Variants in SEMA6A observed in about 807,000 individuals in gnomAD.
SEMA6A encodes the protein semaphorin 6A.
SEMA6A carries 25 observed loss-of-function variants against 96.8 expected under a neutral mutation model. The ratio of observed to expected loss-of-function variants is 0.26; its 90% CI spans 0.19 to 0.36. SEMA6A has a LOEUF of 0.36. Ranked by LOEUF, SEMA6A falls within the 10% of genes least tolerant of loss-of-function variation. The probability of loss-of-function intolerance (pLI) is 1.00; values close to 1 mark genes in which losing one functional copy is unlikely to be tolerated. For missense variants in SEMA6A, 1,363 were observed against 1,323.1 expected (o/e 1.03, Z -0.47); for synonymous variants, 612 against 518.0 (o/e 1.18, Z -2.46).
chr5:116,572,442 T>C (rs1334767654), intron 1 of SEMA6A, among the ~76,000 whole-genome samples: 1 of 152,198 alleles, frequency 6.6e-6, no homozygotes, highest in African/African-American at 2.4e-5. Flanking sequence ...TGGAAGTGCT[T>C]GCCCCGGCTG....
chr5:116,551,249 G>T (rs254231), intron 1 of SEMA6A, among the ~76,000 whole-genome samples: 95 of 151,068 alleles, frequency 6.3e-4, no homozygotes, highest in African/African-American at 2.2e-3. Flanking sequence ...AATGGATAAC[G>T]TAGGCAATAA....
chr5:116,459,366 CTA>C (rs534990664), intron 18 of SEMA6A, among the ~76,000 whole-genome samples: 176 of 152,194 alleles, frequency 1.2e-3, no homozygotes, highest in Non-Finnish European at 1.8e-3. Flanking sequence ...GTCAATCTTG[CTA>C]TCTTTGTCTT....
At chr5:116,541,765 G>A (rs1287846872) in intron 1 of SEMA6A, among the ~76,000 whole-genome samples, 2 of 152,132 alleles carry the variant, frequency 1.3e-5, no homozygotes, top group Admixed American at 6.5e-5. Context: ...CCTGGGAGGT[G>A]GAGGTTGCAG....
At chr5:116,460,318 T>C (rs923177009) in intron 18 of SEMA6A, among the ~76,000 whole-genome samples, 7 of 152,200 alleles carry the variant, frequency 4.6e-5, no homozygotes, top group Non-Finnish European at 1.5e-5. Context: ...TAATATTTCA[T>C]AGACATTCTC....
At chr5:116,532,435 C>A (rs1023162030) in intron 1 of SEMA6A, among the ~76,000 whole-genome samples, 1 of 152,182 alleles carries the variant, frequency 6.6e-6, no homozygotes, top group Non-Finnish European at 1.5e-5. Flanking sequence ...AGGAGACAGA[C>A]AAATGTAACT....
At chr5:116,454,143 C>T (rs966014215) in intron 18 of SEMA6A, among the ~76,000 whole-genome samples, 10 of 152,160 alleles carry the variant, frequency 6.6e-5, no homozygotes, top group East Asian at 3.9e-4. Flanking sequence ...AAAGTGGACC[C>T]GGTGACCACA....
chr5:116,467,714 G>A lies in SEMA6A; in HGVS notation c.1763C>T (p.Thr588Ile), dbSNP rs568293654. The stretch of plus-strand genomic sequence containing the variant: ...CCCCTCTTGAGCCGTCGAATCTGAT[G>A]TGGTTGTGCTGGGCAAGAGGGAACT... Reference protein sequence around the residue: ...HSSSLLPSTTTSDSTAQEGYE... With the variant: ...HSSSLLPSTTISDSTAQEGYE... The change falls in exon 18 of 19, where the codon ACA (threonine) becomes ATA (isoleucine). Residue 588 changes from threonine to isoleucine, a missense_variant. Around this residue, in one of 2 missense-constraint regions of SEMA6A, gnomAD observed 883 missense variants for 763.6 expected, o/e 1.16. Coordinates refer to ENST00000343348, the MANE Select transcript of SEMA6A (RefSeq NM_020796.5). 1.9e-6 allele frequency: 3 copies of A among 1,613,834 alleles called. No homozygotes were observed. In the South Asian group the frequency reaches 3.3e-5, roughly 18 times the overall value.
intron 18 of SEMA6A, 99 bp downstream of exon 18, chr5:116,467,484 C>G: frequency 8.2e-7 from 1 of 1,215,486 alleles, no homozygotes; most frequent in South Asian, 1.6e-5. Context: ...ATTGGAGGTT[C>G]CTTAAATGCT....
chr5:116,473,198 TCCCCGA>T (rs1330233788), intron 16 of SEMA6A, 105 bp from the exon 17 acceptor site: 2 of 1,066,226 alleles, frequency 1.9e-6, no homozygotes. Flanking sequence ...CAGCGTATGG[TCCCCGA>T]TACTAAGTAA....
chr5:116,447,865 G>T, intron 18 of SEMA6A, 54 bp from the exon 19 acceptor site: 1 of 1,415,662 alleles, frequency 7.1e-7, no homozygotes, highest in Non-Finnish European at 9.5e-7. Context: ...CCCGAGGCTT[G>T]TTTTTGCTTG....
At chr5:116,554,227 TTAGAG>T (rs1387554672) in intron 1 of SEMA6A, among the ~76,000 whole-genome samples, 1 of 151,946 alleles carries the variant, frequency 6.6e-6, no homozygotes, top group Non-Finnish European at 1.5e-5. Context: ...AAGCCAGGAG[TTAGAG>T]TTTGTTCCCA....
intron 16 of SEMA6A, among the ~76,000 whole-genome samples, chr5:116,473,583 C>A (rs971391308): frequency 7.9e-5 from 12 of 152,158 alleles, no homozygotes; most frequent in African/African-American, 2.9e-4. Context: ...AAAAAACAAA[C>A]CCTTACACAT....
At chr5:116,568,822 A>G (rs73780379) in intron 1 of SEMA6A, among the ~76,000 whole-genome samples, 4 of 13,884 alleles carry the variant, frequency 2.9e-4, no homozygotes, top group African/African-American at 5.2e-4. Context: ...GGAAGATTGT[A>G]CACACACACA....
At chr5:116,538,975 A>G (rs1759845536) in intron 1 of SEMA6A, among the ~76,000 whole-genome samples, 1 of 152,156 alleles carries the variant, frequency 6.6e-6, no homozygotes, top group Non-Finnish European at 1.5e-5. Context: ...TGGAGTTGGC[A>G]TATTTTTCAC....
chr5:116,491,503 A>G (rs1181825401), intron 7 of SEMA6A, among the ~76,000 whole-genome samples: 2 of 152,052 alleles, frequency 1.3e-5, no homozygotes, highest in Non-Finnish European at 2.9e-5. Flanking sequence ...GATCCATCAC[A>G]TGTTCAGCGC....
At chr5:116,489,102 A>G in intron 7 of SEMA6A, 95 bp from the exon 8 acceptor site, 1 of 1,331,778 alleles carries the variant, frequency 7.5e-7, no homozygotes, top group South Asian at 1.8e-5. Context: ...TTCCAACATC[A>G]GGCAAATGAG....
chr5:116,476,338 T>C (rs1349711014), intron 15 of SEMA6A, among the ~76,000 whole-genome samples: 1 of 152,240 alleles, frequency 6.6e-6, no homozygotes, highest in African/African-American at 2.4e-5. Flanking sequence ...ACTTTGTACA[T>C]ATTCCCATAA....
intron 1 of SEMA6A, among the ~76,000 whole-genome samples, chr5:116,518,270 C>T (rs1758759235): frequency 6.6e-6 from 1 of 152,066 alleles, no homozygotes; most frequent in Non-Finnish European, 1.5e-5. Flanking sequence ...GGACACTGGG[C>T]GTCAGACAAC....
chr5:116,483,830 G>A (rs142353501), intron 10 of SEMA6A, among the ~76,000 whole-genome samples: 1 of 152,280 alleles, frequency 6.6e-6, no homozygotes, highest in Non-Finnish European at 1.5e-5. Context: ...TTGGGAGGCT[G>A]AGGTGGGTGG....
Sources: allele counts gnomAD v4.1 joint callset (sites outside exome capture counted in the v4.1 genomes callset), GRCh38; gene constraint gnomAD v4.1.1; regional missense constraint gnomAD v4.1.1; transcripts MANE v1.5; gene names NCBI Gene and HGNC (gene_info 2026-07-23, HGNC 2026-07-21).